CMTM8: variants seen among roughly 807,000 people sequenced by gnomAD.
CMTM8 encodes CKLF like MARVEL transmembrane domain containing 8, also known as CKLF-like MARVEL transmembrane domain-containing protein 8.
CMTM8 carries 12 observed loss-of-function variants against 18.6 expected under a neutral mutation model. That is an observed-to-expected ratio of 0.65 (90% confidence interval 0.41 to 1.05). The LOEUF is 1.05. Among genes scored for constraint, CMTM8 ranks in the 50% least tolerant of loss-of-function variants. The pLI, the probability that CMTM8 is intolerant of heterozygous loss-of-function variation, is 0.00. For synonymous variants in CMTM8, 87 were observed against 90.6 expected, an observed-to-expected ratio of 0.96 and a Z score of 0.23; for missense variants, 217 against 227.2, an observed-to-expected ratio of 0.95 and a Z score of 0.29.
chr3:32,322,700 G>C (rs1158872447), intron 1 of CMTM8, among the ~76,000 whole-genome samples: 1 of 152,186 alleles, frequency 6.6e-6, no homozygotes, highest in African/African-American at 2.4e-5. Flanking sequence ...TGGGTGCCTG[G>C]CCCAAGATGG....
rs116597424 is a variant in CMTM8, at chr3:32,310,552, G to A, written c.148-46821G>A. ...TACTTTCTCCTAGGGTTATTTTCCT[G>A]CAGCGCGAGGAAGAAATCATACTGC... On this transcript the variant is annotated intron_variant, in intron 1 of 3. Transcript: ENST00000307526. 3.8e-3 allele frequency among the ~76,000 whole-genome samples: 573 copies of A among 152,278 alleles called. 5 individuals carry two copies. Among genetic ancestry groups the A allele is most frequent in the African/African-American group, 0.012 (515 of 41,556 alleles).
chr3:32,270,447 A>T (rs1702420352), intron 1 of CMTM8, among the ~76,000 whole-genome samples: 1 of 152,228 alleles, frequency 6.6e-6, no homozygotes, highest in Non-Finnish European at 1.5e-5. Context: ...ACTATTCACA[A>T]TAGCAAAGAC....
At position 32,283,822 on chromosome 3, in the gene CMTM8, C is replaced by T. The variant is rs1185177593; in HGVS notation, c.147+44703C>T. ...CTCAGATGTGCTCGTAGTTTATGGC[C>T]AGAAAACAGTGCTCTAGGTGTGTTC... On this transcript the variant is annotated intron_variant, in intron 1 of 3. Coordinates refer to ENST00000307526, the MANE Select transcript of CMTM8 (RefSeq NM_178868.5). Among the ~76,000 whole-genome samples, 7 of 152,182 alleles carry T rather than the reference C, an allele frequency of 4.6e-5. No individual in the cohort carries two copies. In the East Asian group the frequency reaches 1.3e-3, roughly 29 times the overall value.
At chr3:32,293,920 G>GC (rs1702827536) in intron 1 of CMTM8, among the ~76,000 whole-genome samples, 1 of 152,160 alleles carries the variant, frequency 6.6e-6, no homozygotes, top group Admixed American at 6.5e-5. Context: ...TATCTGTTGT[G>GC]CAGGTGTATT....
In CMTM8 at chr3:32,340,811, G is replaced by A. The variant is rs560184965; in HGVS notation, c.148-16562G>A. On this transcript the variant is annotated intron_variant, in intron 1 of 3. Transcript: ENST00000307526. ...CTGGTGAAAAAGAAAGAACTGAATTGTGTTTGTCTCTTGCACTAGATGGCG... is the reference window on the plus strand; with the variant it reads ...CTGGTGAAAAAGAAAGAACTGAATTATGTTTGTCTCTTGCACTAGATGGCG... Among the ~76,000 whole-genome samples, 12 of 152,364 alleles carry A rather than the reference G, an allele frequency of 7.9e-5. No homozygotes were observed. In the South Asian group the frequency reaches 2.3e-3, roughly 29 times the overall value.
At position 32,332,508 on chromosome 3, in the gene CMTM8, C is replaced by T. The variant is rs73824671; in HGVS notation, c.148-24865C>T. 3.7e-3 allele frequency among the ~76,000 whole-genome samples: 559 copies of T among 151,972 alleles called. 6 individuals are homozygous for T. The highest frequency in any genetic ancestry group is 8.5e-3 in the African/African-American group (353 of 41,442). ...GCTTGGAGAAGGGCACAGAAGGAGG[C>T]GATGGGAAAGGAGATCTGGCCTGTA... On this transcript the variant is annotated intron_variant, in intron 1 of 3. Transcript: ENST00000307526.
chr3:32,294,830 G>A (rs572477140), intron 1 of CMTM8, among the ~76,000 whole-genome samples: 4 of 152,206 alleles, frequency 2.6e-5, no homozygotes, highest in African/African-American at 7.2e-5. Flanking sequence ...CGAGGCGAGC[G>A]GATCACTCAA....
chr3:32,309,552 C>T (rs183760613), intron 1 of CMTM8, among the ~76,000 whole-genome samples: 157 of 152,206 alleles, frequency 1.0e-3, no homozygotes, highest in South Asian at 3.7e-3. Flanking sequence ...AGGTGATGCA[C>T]CTGCCTCGGC....
chr3:32,347,587 G>A (rs1360826401), intron 1 of CMTM8, among the ~76,000 whole-genome samples: 1 of 152,144 alleles, frequency 6.6e-6, no homozygotes, highest in Non-Finnish European at 1.5e-5. Context: ...AGCTAATTTT[G>A]TCTCACATTT....
At chr3:32,279,181 T>A (rs868731976) in intron 1 of CMTM8, among the ~76,000 whole-genome samples, 14 of 65,408 alleles carry the variant, frequency 2.1e-4, no homozygotes, top group South Asian at 9.4e-4. Context: ...TTTTTTTTAA[T>A]TTTTTTTTTA....
chr3:32,323,757 A>G (rs908312058), intron 1 of CMTM8, among the ~76,000 whole-genome samples: 1 of 152,258 alleles, frequency 6.6e-6, no homozygotes, highest in African/African-American at 2.4e-5. Context: ...TCAGAAAAGA[A>G]GGTACAGATT....
chr3:32,316,171 G>A (rs1245044764), intron 1 of CMTM8, among the ~76,000 whole-genome samples: 2 of 151,892 alleles, frequency 1.3e-5, no homozygotes, highest in Non-Finnish European at 2.9e-5. Flanking sequence ...GGGACTACAG[G>A]CGCCCGCCAC....
At chr3:32,295,482 A>AAAAAAAAAAAAAG (rs1702862309) in intron 1 of CMTM8, among the ~76,000 whole-genome samples, 2 of 117,514 alleles carry the variant, frequency 1.7e-5, no homozygotes, top group African/African-American at 7.4e-5. Context: ...AAAAAAACAA[A>AAAAAAAAAAAAAG]ACAAAACAGC....
rs1235750914 is a variant in CMTM8, at chr3:32,240,224, C to A, written c.147+1105C>A. Among the ~76,000 whole-genome samples the A allele has an allele frequency of 2.0e-5, 3 of 152,174 alleles. No homozygotes were observed. In the East Asian group the frequency reaches 5.8e-4, roughly 29 times the overall value. ...TACCTCAAGTAGCTTGCTTGCTCCCCCAGTCTCAGATACCACCCGGACCTG... is the reference window on the plus strand; with the variant it reads ...TACCTCAAGTAGCTTGCTTGCTCCCACAGTCTCAGATACCACCCGGACCTG... On this transcript the variant is annotated intron_variant, in intron 1 of 3. Coordinates refer to ENST00000307526, the MANE Select transcript of CMTM8 (RefSeq NM_178868.5).
chr3:32,359,092 T>G (rs9681297), intron 2 of CMTM8, among the ~76,000 whole-genome samples: 25,938 of 152,174 alleles, frequency 0.17, 2,638 homozygotes, highest in East Asian at 0.25. Flanking sequence ...GACAGTACCC[T>G]TATTTCCCCT....
chr3:32,341,198 G>A (rs1215686360), intron 1 of CMTM8, among the ~76,000 whole-genome samples: 1 of 152,222 alleles, frequency 6.6e-6, no homozygotes, highest in African/African-American at 2.4e-5. Context: ...ACAGTGGTGG[G>A]CAGCTGCCGG....
chr3:32,334,225 GCCT>G (rs1696338968), intron 1 of CMTM8, among the ~76,000 whole-genome samples: 1 of 151,678 alleles, frequency 6.6e-6, no homozygotes, highest in East Asian at 2.0e-4. Context: ...TGATCCACCC[GCCT>G]CTGCCTCCCA....
chr3:32,259,505 GA>G (rs2125536386), intron 1 of CMTM8: 1 of 780,776 alleles, frequency 1.3e-6, no homozygotes, highest in East Asian at 2.4e-5. Flanking sequence ...CAAGGTCATT[GA>G]TGACACCAAT....
intron 1 of CMTM8, among the ~76,000 whole-genome samples, chr3:32,337,743 A>T (rs1696413659): frequency 6.6e-6 from 1 of 152,166 alleles, no homozygotes; most frequent in East Asian, 1.9e-4. Context: ...CATTTCTCAC[A>T]TGCTCCTGGG....
Sources: gnomAD v4.1 joint callset for allele counts (sites outside exome capture counted in the v4.1 genomes callset) on GRCh38, gnomAD v4.1.1 for gene constraint, MANE v1.5 for transcripts, NCBI Gene and HGNC (gene_info 2026-07-23, HGNC 2026-07-21) for gene names.